CNGB1: variants seen among roughly 807,000 people sequenced by gnomAD.
CNGB1 encodes cyclic nucleotide gated channel subunit beta 1, also known as cyclic nucleotide-gated channel beta-1.
A neutral mutation model predicts 151.7 loss-of-function variants in CNGB1; 126 were observed. The observed-to-expected ratio is 0.83, with a 90% CI of 0.72 to 0.96. The LOEUF is 0.96. Ranked by LOEUF, CNGB1 falls within the 40% of genes least tolerant of loss-of-function variation. CNGB1 has a pLI of 0.00. For missense variants in CNGB1, 1,698 were observed against 1,627.0 expected, an observed-to-expected ratio of 1.04 and a Z score of -0.75; for synonymous variants, 623 against 635.1, an observed-to-expected ratio of 0.98 and a Z score of 0.29.
At chr16:57,956,856 G>C (rs950928708) in intron 12 of CNGB1, among the ~76,000 whole-genome samples, 2 of 152,188 alleles carry the variant, frequency 1.3e-5, no homozygotes, top group Non-Finnish European at 2.9e-5. Flanking sequence ...CTCAGGGCTG[G>C]GATAAAGGGC....
At chr16:57,900,685 G>A (rs2149356971) in intron 29 of CNGB1, among the ~76,000 whole-genome samples, 1 of 152,228 alleles carries the variant, frequency 6.6e-6, no homozygotes, top group Admixed American at 6.5e-5. Flanking sequence ...ATCAGGAAGG[G>A]ACACGATGTC....
chr16:57,942,462 A>C (rs1961693179), intron 14 of CNGB1, among the ~76,000 whole-genome samples: 1 of 152,250 alleles, frequency 6.6e-6, no homozygotes, highest in Non-Finnish European at 1.5e-5. Context: ...AAGAAATGAA[A>C]CAACCCAATT....
chr16:57,950,539 G>T lies in CNGB1; in HGVS notation c.876C>A (p.Ile292=). 8 of 1,614,168 alleles carry T rather than the reference G, an allele frequency of 5.0e-6. No individual in the cohort carries two copies. Among genetic ancestry groups the T allele is most frequent in the Non-Finnish European group, 6.8e-6 (8 of 1,180,038 alleles). Residue 292 remains isoleucine (I), a splice_region_variant and synonymous_variant, in exon 13 of 33, where the codon ATC becomes ATA. Transcript: ENST00000251102. ...DSPGICDVQT[I]SILPGGQVEP... Reference sequence around the variant, plus strand: ...CCACTTGTCCTCCAGGAAGGATGCTGACTGCAGGGAACACAGGAAGAGCCA... The same window carrying T: ...CCACTTGTCCTCCAGGAAGGATGCTTACTGCAGGGAACACAGGAAGAGCCA...
In CNGB1 at chr16:57,904,839, G is replaced by GA. The variant is rs1567370223; in HGVS notation, c.2528dup (p.Ile844HisfsTer8). On this transcript the variant is annotated frameshift_variant, in exon 26 of 33. Transcript: ENST00000251102. LOFTEE classifies it high-confidence loss of function. ...GGTCAGGCAGCCCCCCGATGGTGAT[G>GA]AGGGTCTTCACAGCAAAGTAGTAAC... The GA allele has an allele frequency of 6.2e-7, 1 of 1,614,220 alleles. No individual in the cohort carries two copies. The highest frequency in any genetic ancestry group is 1.7e-5 in the Admixed American group (1 of 60,028).
In CNGB1 at chr16:57,939,480, G is replaced by A. The variant is rs376374823; in HGVS notation, c.1322C>T (p.Ala441Val). The A allele has an allele frequency of 7.4e-5, 120 of 1,613,928 alleles. No individual in the cohort carries two copies. The highest frequency in any genetic ancestry group is 2.2e-4 in the Admixed American group (13 of 59,992). The part of the protein sequence containing the change: ...EEAEKEPQDW[A>V]ETKEEPEAEA... The stretch of plus-strand genomic sequence containing the variant: ...AGCCTCAGGCTCCTCCTTGGTCTCC[G>A]CCCAGTCCTGGGGCTCCTTTTCAGC... Residue 441 changes from alanine to valine, a missense_variant, in exon 16 of 33, where the codon GCG (alanine) becomes GTG (valine). Coordinates refer to ENST00000251102, the MANE Select transcript of CNGB1 (RefSeq NM_001297.5).
intron 14 of CNGB1, among the ~76,000 whole-genome samples, chr16:57,942,257 G>A (rs1011714040): frequency 6.6e-6 from 1 of 152,026 alleles, no homozygotes; most frequent in Non-Finnish European, 1.5e-5. Context: ...GAAATGAAAG[G>A]CATCCAAATT....
At position 57,901,547 on chromosome 16, in the gene CNGB1, C is replaced by T. The variant is rs1414083701; in HGVS notation, c.2873G>A (p.Ser958Asn). The T allele has an allele frequency of 2.5e-6, 4 of 1,614,208 alleles. No homozygotes were observed. In the East Asian group the frequency reaches 8.9e-5, roughly 36 times the overall value. Reference sequence around the variant, plus strand: ...GTGTACCTGAAAGAGTGCGACTTTGCTAACGATGTTGTAGTTCACGTCGAT... The same window carrying T: ...GTGTACCTGAAAGAGTGCGACTTTGTTAACGATGTTGTAGTTCACGTCGAT... ...LAIDVNYNIV[S>N]KVALFQGCDR... The change falls in exon 28 of 33, where the codon AGC (serine) becomes AAC (asparagine). Residue 958 changes from serine (S) to asparagine (N), a missense_variant. Physicochemically the swap from Ser to Asn is conservative, Grantham distance 46 (BLOSUM62 1). Transcript: ENST00000251102.
rs1661459829 is a variant in CNGB1, at chr16:57,897,392, C to A, written c.3242+5G>T. ...TTTTTATTAAACGAAAGAAAAGTTA[C>A]ATACCTGGCTTTCTTCCGGAGTAAC... On this transcript the variant is annotated splice_donor_5th_base_variant and intron_variant, in intron 31 of 32. Coordinates refer to ENST00000251102, the MANE Select transcript of CNGB1 (RefSeq NM_001297.5). 1 of 1,611,258 alleles carries A rather than the reference C, an allele frequency of 6.2e-7. No homozygotes were observed. Among genetic ancestry groups the A allele is most frequent in the Non-Finnish European group, 8.5e-7 (1 of 1,178,280 alleles).
chr16:57,887,756 C>T (rs575594572), intron 32 of CNGB1, 99 bp downstream of exon 32: 14 of 1,138,628 alleles, frequency 1.2e-5, no homozygotes, highest in Admixed American at 3.4e-5. Flanking sequence ...AGGGGGAAGA[C>T]CCTAAAACTA....
intron 27 of CNGB1, 71 bp from the exon 28 acceptor site, chr16:57,901,696 GC>G: frequency 7.9e-7 from 1 of 1,272,924 alleles, no homozygotes; most frequent in Non-Finnish European, 1.1e-6. Context: ...CCGGCCAAGT[GC>G]CCACCTACTG....
At chr16:57,948,074 G>A (rs1374658886) in intron 14 of CNGB1, among the ~76,000 whole-genome samples, 3 of 152,174 alleles carry the variant, frequency 2.0e-5, no homozygotes. Flanking sequence ...GTACCATGGT[G>A]GTCAGAGACA....
intron 17 of CNGB1, among the ~76,000 whole-genome samples, chr16:57,928,580 G>A (rs1961256371): frequency 6.6e-6 from 1 of 152,184 alleles, no homozygotes; most frequent in African/African-American, 2.4e-5. Flanking sequence ...ATCTTGGGTG[G>A]TGGGATTGTA....
intron 32 of CNGB1, among the ~76,000 whole-genome samples, chr16:57,886,729 G>C (rs1177833722): frequency 6.6e-6 from 1 of 152,166 alleles, no homozygotes; most frequent in Non-Finnish European, 1.5e-5. Flanking sequence ...GCCGTGAACA[G>C]ACATAATTAA....
chr16:57,950,517 C>T lies in CNGB1; in HGVS notation c.898G>A (p.Val300Met), dbSNP rs763142627. The T allele has an allele frequency of 6.2e-7, 1 of 1,614,216 alleles. No individual in the cohort carries two copies. Among genetic ancestry groups the T allele is most frequent in the Non-Finnish European group, 8.5e-7 (1 of 1,180,038 alleles). Reference protein sequence around the residue: ...QTISILPGGQVEPDLVLEEVE... With the variant: ...QTISILPGGQMEPDLVLEEVE... The stretch of plus-strand genomic sequence containing the variant: ...TCCTCTAGGACAAGGTCAGGCTCCA[C>T]TTGTCCTCCAGGAAGGATGCTGACT... The change falls in exon 13 of 33, where the codon GTG (valine) becomes ATG (methionine). Residue 300 changes from valine to methionine, a missense_variant. Transcript: ENST00000251102.
rs765712517 is a variant in CNGB1, at chr16:57,964,479, G to T, written c.217+8C>A. The T allele has an allele frequency of 5.6e-6, 9 of 1,613,806 alleles. 1 individual carries two copies. The highest frequency in any genetic ancestry group is 5.0e-5 in the Admixed American group (3 of 60,006). The stretch of plus-strand genomic sequence containing the variant: ...CATGCCAGCCTGGGCTTCAGCACTC[G>T]CACTCACCCTGAGGGCTTGGGTCTG... On this transcript the variant is annotated splice_region_variant and intron_variant, in intron 3 of 32. Transcript: ENST00000251102.
intron 17 of CNGB1, among the ~76,000 whole-genome samples, chr16:57,928,638 T>C (rs113793421): frequency 1.3e-5 from 2 of 152,258 alleles, no homozygotes; most frequent in African/African-American, 4.8e-5. Flanking sequence ...ATATTATCTA[T>C]TATCTTTTTT....
chr16:57,901,061 G>T (rs1567367456), intron 29 of CNGB1, among the ~76,000 whole-genome samples: 4 of 4,240 alleles, frequency 9.4e-4, no homozygotes, highest in South Asian at 0.033. Flanking sequence ...GGTGGAGTTG[G>T]GGGGGGGGTC....
intron 18 of CNGB1, among the ~76,000 whole-genome samples, chr16:57,922,867 T>TG (rs1961081974): frequency 1.3e-5 from 2 of 151,812 alleles, no homozygotes; most frequent in African/African-American, 4.8e-5. Flanking sequence ...GGGAATCTTT[T>TG]TTTTTTTTCT....
Position 57,920,562 on chromosome 16 carries a change from A to G in CNGB1, c.1644-18T>C. On this transcript the variant is annotated intron_variant, in intron 18 of 32. Coordinates refer to ENST00000251102, the MANE Select transcript of CNGB1 (RefSeq NM_001297.5). ...CCTGGCCACTGTGGGAACATCACCCAAAGCTGAGCAGGCTGAGCCGGGAGG... is the reference window on the plus strand; with the variant it reads ...CCTGGCCACTGTGGGAACATCACCCGAAGCTGAGCAGGCTGAGCCGGGAGG... The G allele has an allele frequency of 1.2e-6, 2 of 1,610,352 alleles. No homozygotes were observed. Among genetic ancestry groups the G allele is most frequent in the Non-Finnish European group, 1.7e-6 (2 of 1,179,964 alleles).
Sources: allele counts gnomAD v4.1 joint callset (sites outside exome capture counted in the v4.1 genomes callset), GRCh38; gene constraint gnomAD v4.1.1; transcripts MANE v1.5; gene names NCBI Gene and HGNC (gene_info 2026-07-23, HGNC 2026-07-21).